Variants in FRMPD1 observed in about 807,000 individuals in gnomAD.
FRMPD1 encodes the protein FERM and PDZ domain-containing protein 1.
Under a neutral mutation model 117.8 loss-of-function variants are expected in FRMPD1, and 76 were observed. That is an observed-to-expected ratio of 0.65 (90% CI 0.54 to 0.78). The LOEUF is 0.78. Among genes scored for constraint, FRMPD1 ranks in the 30% least tolerant of loss-of-function variants. The pLI is 0.00. For missense variants in FRMPD1, 1,786 were observed against 1,964.5 expected, an observed-to-expected ratio of 0.91 and a Z score of 1.72; for synonymous variants, 783 against 770.4, an observed-to-expected ratio of 1.02 and a Z score of -0.27.
intron 3 of FRMPD1, among the ~76,000 whole-genome samples, 190 bp downstream of exon 3, chr9:37,707,763 A>G (rs1189665618): frequency 6.6e-6 from 1 of 152,216 alleles, no homozygotes; most frequent in Non-Finnish European, 1.5e-5. Flanking sequence ...CCTCAAGTGC[A>G]CTTGCCGCTC....
chr9:37,704,091 G>C (rs1822619492), intron 2 of FRMPD1, among the ~76,000 whole-genome samples: 1 of 152,164 alleles, frequency 6.6e-6, no homozygotes, highest in Non-Finnish European at 1.5e-5. Context: ...ACACTTAAAG[G>C]ACTTTCTAGA....
intron 2 of FRMPD1, among the ~76,000 whole-genome samples, chr9:37,700,400 C>T (rs1406196985): frequency 5.3e-5 from 8 of 152,160 alleles, no homozygotes; most frequent in Non-Finnish European, 7.3e-5. Context: ...TTCTTTGAAT[C>T]GTCTTTACGT....
At chr9:37,637,858 T>G in the FRMPD1 span, among the ~76,000 whole-genome samples, 2 of 152,080 alleles carry the variant, frequency 1.3e-5, no homozygotes, top group African/African-American at 2.4e-5. Flanking sequence ...GGATAGTGAG[T>G]GAAAAAAGTG....
At chr9:37,704,228 A>G (rs1364715986) in intron 2 of FRMPD1, among the ~76,000 whole-genome samples, 1 of 152,228 alleles carries the variant, frequency 6.6e-6, no homozygotes, top group Non-Finnish European at 1.5e-5. Flanking sequence ...AGAAATTTAG[A>G]GTTCAAATTG....
At chr9:37,709,628 G>A (rs187343559) in intron 4 of FRMPD1, among the ~76,000 whole-genome samples, 13 of 152,280 alleles carry the variant, frequency 8.5e-5, no homozygotes, top group Admixed American at 7.8e-4. Flanking sequence ...CCTCCAACTT[G>A]GGCAGAAGTT....
intron 15 of FRMPD1, among the ~76,000 whole-genome samples, chr9:37,741,343 ACAT>A (rs1225860284): frequency 6.6e-6 from 1 of 151,730 alleles, no homozygotes; most frequent in Admixed American, 6.6e-5. Flanking sequence ...AGGGACCCTG[ACAT>A]CAGAAGGTAG....
At chr9:37,718,197 T>A (rs1823233931) in intron 5 of FRMPD1, among the ~76,000 whole-genome samples, 1 of 152,236 alleles carries the variant, frequency 6.6e-6, no homozygotes, top group African/African-American at 2.4e-5. Flanking sequence ...TTTGAGTCTA[T>A]GAACACTGTT....
chr9:37,698,268 G>A (rs974715627), intron 2 of FRMPD1, among the ~76,000 whole-genome samples: 1 of 152,120 alleles, frequency 6.6e-6, no homozygotes, highest in Non-Finnish European at 1.5e-5. Context: ...TCTTTAAGTT[G>A]GAGTTTATTT....
Position 37,722,257 on chromosome 9 carries a change from C to T in FRMPD1, c.517-1968C>T, listed in dbSNP as rs534578594. 7.3e-5 allele frequency among the ~76,000 whole-genome samples: 11 copies of T among 151,216 alleles called. No homozygotes were observed. In the South Asian group the frequency reaches 1.3e-3, roughly 17 times the overall value. On this transcript the variant is annotated intron_variant, in intron 6 of 15. Transcript: ENST00000377765. ...CCAGGAGACAGAGGCTGCAGTGAACCGAGACTGTGCCACTGCACTCCAGCC... is the reference window on the plus strand; with the variant it reads ...CCAGGAGACAGAGGCTGCAGTGAACTGAGACTGTGCCACTGCACTCCAGCC...
chr9:37,704,845 C>G (rs1475582321), intron 2 of FRMPD1, among the ~76,000 whole-genome samples: 1 of 147,216 alleles, frequency 6.8e-6, no homozygotes, highest in South Asian at 2.1e-4. Flanking sequence ...TTTTTTGATA[C>G]TTAGTGTTTC....
chr9:37,701,143 A>G (rs1822514178), intron 2 of FRMPD1, among the ~76,000 whole-genome samples: 6 of 152,208 alleles, frequency 3.9e-5, no homozygotes, highest in Admixed American at 3.9e-4. Flanking sequence ...TCATTTGTCC[A>G]CCATTGTGGA....
chr9:37,708,723 GCA>G (rs1056128664), intron 4 of FRMPD1, among the ~76,000 whole-genome samples: 4 of 152,166 alleles, frequency 2.6e-5, no homozygotes, highest in African/African-American at 9.7e-5. Context: ...AGCTTGGGAG[GCA>G]CAGAGTGCTG....
intron 1 of FRMPD1, among the ~76,000 whole-genome samples, chr9:37,657,998 C>T (rs1040648780): frequency 1.3e-5 from 2 of 152,052 alleles, no homozygotes; most frequent in Non-Finnish European, 2.9e-5. Flanking sequence ...CCCATTGGCC[C>T]GATCCTGTCC....
At chr9:37,626,623 A>G in the FRMPD1 span, among the ~76,000 whole-genome samples, 143 of 54,156 alleles carry the variant, frequency 2.6e-3, 4 homozygotes, top group East Asian at 0.014. Context: ...CTGGTATCTG[A>G]AAAAAAAAAA....
chr9:37,743,418 G>A (rs1824514559), intron 15 of FRMPD1, among the ~76,000 whole-genome samples: 2 of 150,180 alleles, frequency 1.3e-5, no homozygotes, highest in Non-Finnish European at 3.0e-5. Flanking sequence ...TGGCAAGCCT[G>A]AAGACCTGGG....
Position 37,707,431 on chromosome 9 carries a change from A to T in FRMPD1, c.117A>T (p.Ala39=), listed in dbSNP as rs1312318005. ...RDSSARAKVA[A]ADGPARNPTQ... is the part of the protein sequence containing the mutation. The stretch of plus-strand genomic sequence containing the variant: ...TCTCTTCCAGGGCTAAAGTTGCTGC[A>T]GCTGATGGGCCCGCCAGGAACCCAA... Residue 39 remains alanine (A), a synonymous_variant, in exon 3 of 16, where the codon GCA becomes GCT. Transcript: ENST00000377765. The T allele has an allele frequency of 1.9e-6, 3 of 1,613,554 alleles. No individual in the cohort carries two copies. In the African/African-American group the frequency reaches 4.0e-5, roughly 22 times the overall value.
At chr9:37,641,689 C>T in the FRMPD1 span, among the ~76,000 whole-genome samples, 5 of 152,124 alleles carry the variant, frequency 3.3e-5, no homozygotes, top group African/African-American at 9.7e-5. Context: ...CCCTATCCTA[C>T]ACCGAAGATA....
chr9:37,667,401 A>G (rs1321260819), intron 1 of FRMPD1, among the ~76,000 whole-genome samples: 1 of 149,824 alleles, frequency 6.7e-6, no homozygotes, highest in Non-Finnish European at 1.5e-5. Flanking sequence ...GGCTGGCCAC[A>G]ATGGCTCACT....
the FRMPD1 span, among the ~76,000 whole-genome samples, chr9:37,616,681 AT>A: frequency 3.9e-5 from 6 of 152,352 alleles, no homozygotes; most frequent in Admixed American, 1.3e-4. Context: ...GAGGCTTACC[AT>A]GAAACCATGA....
Sources: allele counts gnomAD v4.1 joint callset (sites outside exome capture counted in the v4.1 genomes callset), GRCh38; gene constraint gnomAD v4.1.1; transcripts MANE v1.5; gene names NCBI Gene and HGNC (gene_info 2026-07-23, HGNC 2026-07-21).